Variants in TOGARAM2 observed in about 807,000 individuals in gnomAD.
TOGARAM2 encodes the protein TOG array regulator of axonemal microtubules 2, also known as TOG array regulator of axonemal microtubules protein 2.
A neutral mutation model predicts 93.3 loss-of-function variants in TOGARAM2; 85 were observed. The observed-to-expected ratio is 0.91, with a 90% CI of 0.76 to 1.09. The LOEUF is 1.09. Among genes scored for constraint, TOGARAM2 ranks in the 50% least tolerant of loss-of-function variants. TOGARAM2 has a pLI of 0.00. For synonymous variants in TOGARAM2, 593 were observed against 552.8 expected, an observed-to-expected ratio of 1.07 and a Z score of -1.02; for missense variants, 1,277 against 1,334.5, an observed-to-expected ratio of 0.96 and a Z score of 0.67.
At chr2:28,967,798 C>CTTTTTTT (rs11417570) in intron 1 of TOGARAM2, among the ~76,000 whole-genome samples, 2 of 78,564 alleles carry the variant, frequency 2.5e-5, no homozygotes, top group African/African-American at 1.1e-4. Context: ...ATAAGATGGT[C>CTTTTTTT]TTTTTTTTTT....
intron 6 of TOGARAM2, among the ~76,000 whole-genome samples, chr2:29,005,227 G>A (rs1269946010): frequency 2.0e-5 from 3 of 149,162 alleles, no homozygotes; most frequent in Non-Finnish European, 3.0e-5. Context: ...GTGCATGTGT[G>A]TATATGTGTG....
rs1452706421 is a variant in TOGARAM2, at chr2:29,035,444, A to G, written c.2226-20A>G. On this transcript the variant is annotated intron_variant, in intron 16 of 19. Transcript: ENST00000379558. ...CCGGGCTCTTCCCTGGGGGGTTCAG[A>G]CGCCACGCTCCTTACCTAGGCTCAG... 1.7e-5 allele frequency: 23 copies of G among 1,338,066 alleles called. No individual in the cohort carries two copies. Among genetic ancestry groups the G allele is most frequent in the Non-Finnish European group, 2.2e-5 (23 of 1,033,376 alleles). The allele number at this position is 1,338,066 out of a possible 1,614,324, so 82.9% of individuals were successfully genotyped here.
chr2:29,005,739 ATATATGTGTGTATGTGTG>A lies in TOGARAM2; in HGVS notation c.830+2059_830+2076del, dbSNP rs1304025329. 1.6e-5 allele frequency among the ~76,000 whole-genome samples: 2 copies of A among 121,264 alleles called. 1 individual carries two copies. Among genetic ancestry groups the A allele is most frequent in the African/African-American group, 6.8e-5 (2 of 29,540 alleles). 79.6% of individuals were successfully genotyped at this position (121,264 alleles called of 152,430 possible). A position where few individuals can be genotyped will look rare whatever the true frequency, so the allele number is the denominator to read the frequency against. On this transcript the variant is annotated intron_variant, in intron 6 of 19. Coordinates refer to ENST00000379558, the MANE Select transcript of TOGARAM2 (RefSeq NM_199280.4). Reference sequence around the variant, plus strand: ...TGCATGTGTGCATGTGTGTGAGCACATATATGTGTGTATGTGTGTGTGTGAGTACATGTGTGGAGTATC... The same window carrying A: ...TGCATGTGTGCATGTGTGTGAGCACATGTGTGAGTACATGTGTGGAGTATC...
Position 29,051,882 on chromosome 2 carries a change from G to A in TOGARAM2, c.2849G>A (p.Arg950His), listed in dbSNP as rs376723895. 12 of 1,575,360 alleles carry A rather than the reference G, an allele frequency of 7.6e-6. No homozygotes were observed. Among genetic ancestry groups the A allele is most frequent in the East Asian group, 7.1e-5 (3 of 42,492 alleles). The change falls in exon 20 of 20, where the codon CGC becomes CAC. Residue 950 changes from arginine to histidine, a missense_variant. Coordinates refer to ENST00000379558, the MANE Select transcript of TOGARAM2 (RefSeq NM_199280.4). ...GTLPGPSGNI[R>H]GVVCRLSRSL... is the part of the protein sequence containing the mutation. The stretch of plus-strand genomic sequence containing the variant: ...CTGCCTGGACCCAGCGGGAACATCC[G>A]CGGGGTGGTGTGCCGGCTGTCCAGG...
chr2:29,031,662 A>AT (rs1342997383), intron 14 of TOGARAM2, among the ~76,000 whole-genome samples: 4 of 152,206 alleles, frequency 2.6e-5, no homozygotes, highest in Non-Finnish European at 5.9e-5. Flanking sequence ...CAAGTCCCAC[A>AT]TTTTTTGCAA....
chr2:29,023,566 G>T (rs1401426384), intron 12 of TOGARAM2, among the ~76,000 whole-genome samples: 2 of 152,148 alleles, frequency 1.3e-5, no homozygotes, highest in Non-Finnish European at 2.9e-5. Flanking sequence ...GGTCTAGCTG[G>T]GTCCAGAGAG....
chr2:28,995,431 C>T (rs111297174), intron 2 of TOGARAM2, among the ~76,000 whole-genome samples: 8 of 152,238 alleles, frequency 5.3e-5, no homozygotes, highest in African/African-American at 1.9e-4. Flanking sequence ...GGAGCAGGGG[C>T]CAGATGGCCA....
chr2:28,977,219 C>A (rs1003100861), upstream of TOGARAM2, among the ~76,000 whole-genome samples: 26 of 152,202 alleles, frequency 1.7e-4, no homozygotes, highest in Non-Finnish European at 1.3e-4. Context: ...GGACTGGAAC[C>A]AACTCTCTGT....
chr2:28,957,468 A>AC (rs1320409414), intron 1 of TOGARAM2, among the ~76,000 whole-genome samples: 1 of 152,196 alleles, frequency 6.6e-6, no homozygotes, highest in Non-Finnish European at 1.5e-5. Flanking sequence ...GGCATAAGCC[A>AC]CTGCGCCTGG....
chr2:29,027,757 A>G (rs1665499385), intron 14 of TOGARAM2, among the ~76,000 whole-genome samples: 1 of 152,170 alleles, frequency 6.6e-6, no homozygotes, highest in African/African-American at 2.4e-5. Flanking sequence ...AACCTTTTTT[A>G]AGAGTGACAT....
chr2:29,045,342 C>G lies in TOGARAM2; in HGVS notation c.2654C>G (p.Pro885Arg), dbSNP rs143227503. 1 of 1,613,560 alleles carries G rather than the reference C, an allele frequency of 6.2e-7. No homozygotes were observed. Among genetic ancestry groups the G allele is most frequent in the Non-Finnish European group, 8.5e-7 (1 of 1,179,852 alleles). Residue 885 changes from proline (P) to arginine (R), a missense_variant, in exon 19 of 20, where the codon CCA (proline) becomes CGA (arginine). Physicochemically the swap from Pro to Arg is moderately radical, Grantham distance 103 (BLOSUM62 -2). Coordinates refer to ENST00000379558, the MANE Select transcript of TOGARAM2 (RefSeq NM_199280.4). ...VESLDNLCLL[P>R]ALAGRVRFLS... The stretch of plus-strand genomic sequence containing the variant: ...CTTTCAGACAACCTTTGCCTTCTAC[C>G]AGCGCTTGCTGGGCGAGTGCGTTTC...
intron 1 of TOGARAM2, among the ~76,000 whole-genome samples, chr2:28,965,728 C>T (rs115485486): frequency 1.4e-3 from 213 of 152,310 alleles, no homozygotes; most frequent in African/African-American, 4.9e-3. Flanking sequence ...CTACCTCCCT[C>T]TTCTCTAAGA....
intron 1 of TOGARAM2, among the ~76,000 whole-genome samples, chr2:28,963,779 G>A (rs1425864246): frequency 6.6e-6 from 1 of 152,198 alleles, no homozygotes; most frequent in East Asian, 1.9e-4. Flanking sequence ...AGGCCGAGGT[G>A]AGCGGATCAC....
intron 4 of TOGARAM2, among the ~76,000 whole-genome samples, chr2:29,000,219 G>C (rs935070051): frequency 6.6e-6 from 1 of 151,958 alleles, no homozygotes; most frequent in African/African-American, 2.4e-5. Context: ...AGGCACAGTC[G>C]CTTGGCAGCT....
In TOGARAM2 at chr2:29,027,026, G is replaced by GGGCA. The variant is rs1665427902; in HGVS notation, c.2012+17_2012+18insCAGG. On this transcript the variant is annotated intron_variant, in intron 14 of 19. Transcript: ENST00000379558. ...CAGGACACCAGGTAGGGCAGGGCCA[G>GGGCA]GGGCCTGGGGGCAGAGAAGGCAACC... 1.4e-5 allele frequency: 22 copies of GGGCA among 1,540,502 alleles called. No individual in the cohort carries two copies. Among genetic ancestry groups the GGGCA allele is most frequent in the Non-Finnish European group, 1.8e-5 (21 of 1,140,226 alleles).
rs541541733 is a variant in TOGARAM2 at position 29,048,299 on chromosome 2, A to T, written c.2722+2889A>T. The T allele has an allele frequency of 2.9e-3, 435 of 152,226 alleles. 2 individuals carry two copies. The highest frequency in any genetic ancestry group is 0.01 in the African/African-American group (416 of 41,518). The allele number at this position is 152,226 out of a possible 1,614,324, so 9.4% of individuals were successfully genotyped here. A position where few individuals can be genotyped will look rare whatever the true frequency, so the allele number is the denominator to read the frequency against. On this transcript the variant is annotated intron_variant, in intron 19 of 19. Coordinates refer to ENST00000379558, the MANE Select transcript of TOGARAM2 (RefSeq NM_199280.4). ...GGAATTGTGGGAGCTACAATTCAAG[A>T]TGAGATTTGGGTGGGGACACAGCCA...
At chr2:28,981,822 C>T (rs774863668) in intron 1 of TOGARAM2, among the ~76,000 whole-genome samples, 1 of 152,216 alleles carries the variant, frequency 6.6e-6, no homozygotes, top group Non-Finnish European at 1.5e-5. Context: ...TGGGCTGACC[C>T]CTTCCCCGAG....
intron 1 of TOGARAM2, among the ~76,000 whole-genome samples, chr2:28,964,525 A>G (rs1157935163): frequency 2.7e-5 from 4 of 149,070 alleles, no homozygotes; most frequent in South Asian, 2.1e-4. Flanking sequence ...GAGGATGTGC[A>G]GGTTTGTTAC....
chr2:29,036,949 C>T (rs1666151298), intron 18 of TOGARAM2, among the ~76,000 whole-genome samples, 192 bp downstream of exon 18: 2 of 152,172 alleles, frequency 1.3e-5, no homozygotes, highest in South Asian at 4.1e-4. Context: ...CAGCCACCCA[C>T]ACCTCTGGAC....
Sources: gnomAD v4.1 joint callset for allele counts (sites outside exome capture counted in the v4.1 genomes callset) on GRCh38, gnomAD v4.1.1 for gene constraint, MANE v1.5 for transcripts, NCBI Gene and HGNC (gene_info 2026-07-23, HGNC 2026-07-21) for gene names.